BRINP1: variants seen among roughly 807,000 people sequenced by gnomAD.
BRINP1 encodes BMP/retinoic acid-inducible neural-specific protein 1.
Under a neutral mutation model 72.9 loss-of-function variants are expected in BRINP1, and 17 were observed. That is an observed-to-expected ratio of 0.23 (90% CI 0.16 to 0.35). The LOEUF (loss-of-function observed/expected upper bound fraction) is 0.35, where lower values mean the gene tolerates loss of function less well. Among genes scored for constraint, BRINP1 ranks in the 10% least tolerant of loss-of-function variants. The pLI is 1.00. For synonymous variants in BRINP1, 418 were observed against 378.5 expected, an observed-to-expected ratio of 1.10 and a Z score of -1.21; for missense variants, 850 against 1,001.6, an observed-to-expected ratio of 0.85 and a Z score of 2.04.
chr9:119,305,774 T>G (rs1364718034), intron 2 of BRINP1, among the ~76,000 whole-genome samples: 2 of 152,114 alleles, frequency 1.3e-5, no homozygotes, highest in Non-Finnish European at 2.9e-5. Context: ...GTTATTTGCC[T>G]TTCAGTCAGT....
chr9:119,254,398 G>C (rs1285226995), intron 2 of BRINP1, among the ~76,000 whole-genome samples: 3 of 152,032 alleles, frequency 2.0e-5, no homozygotes, highest in South Asian at 4.2e-4. Context: ...ATGAGGGAGG[G>C]ACCATAGGGC....
At chr9:119,268,269 T>TAGAC (rs1830572609) in intron 2 of BRINP1, among the ~76,000 whole-genome samples, 2 of 145,158 alleles carry the variant, frequency 1.4e-5, no homozygotes, top group Non-Finnish European at 3.0e-5. Flanking sequence ...GATAGATAGA[T>TAGAC]AGATAGATAG....
At chr9:119,283,497 G>A (rs964506781) in intron 2 of BRINP1, among the ~76,000 whole-genome samples, 2 of 152,182 alleles carry the variant, frequency 1.3e-5, no homozygotes, top group African/African-American at 2.4e-5. Context: ...GTGGTGGGAG[G>A]GGGAGGGTGA....
chr9:119,292,925 T>G (rs1830836823), intron 2 of BRINP1, among the ~76,000 whole-genome samples: 1 of 152,170 alleles, frequency 6.6e-6, no homozygotes, highest in Admixed American at 6.5e-5. Context: ...TAGCAAGAGT[T>G]TTCCCTGAGA....
At chr9:119,236,979 C>T (rs1830197907) in intron 5 of BRINP1, among the ~76,000 whole-genome samples, 2 of 152,090 alleles carry the variant, frequency 1.3e-5, no homozygotes, top group Admixed American at 1.3e-4. Context: ...ACTACCAAGC[C>T]CTCCATGCAT....
At chr9:119,321,809 T>C (rs1831191985) in intron 1 of BRINP1, among the ~76,000 whole-genome samples, 1 of 152,220 alleles carries the variant, frequency 6.6e-6, no homozygotes, top group African/African-American at 2.4e-5. Context: ...GTTGGAATAT[T>C]ATGATCTGGG....
At chr9:119,360,612 C>G (rs972364142) in intron 1 of BRINP1, among the ~76,000 whole-genome samples, 6 of 152,164 alleles carry the variant, frequency 3.9e-5, no homozygotes, top group Non-Finnish European at 7.4e-5. Context: ...GAATTCACCA[C>G]TTTTTCCCCA....
At chr9:119,361,128 T>C (rs1831624819) in intron 1 of BRINP1, among the ~76,000 whole-genome samples, 2 of 152,168 alleles carry the variant, frequency 1.3e-5, no homozygotes, top group African/African-American at 4.8e-5. Flanking sequence ...GTCCGGGTAA[T>C]TTATGACTCT....
At chr9:119,312,686 G>A (rs569932351) in intron 2 of BRINP1, among the ~76,000 whole-genome samples, 5 of 152,254 alleles carry the variant, frequency 3.3e-5, no homozygotes, top group South Asian at 2.1e-4. Flanking sequence ...TCAAAACAAC[G>A]TTACTTATAC....
Position 119,369,114 on chromosome 9 carries a change from G to A in BRINP1, c.-109C>T. The A allele has an allele frequency of 2.5e-6, 1 of 397,946 alleles. No individual in the cohort carries two copies. The highest frequency in any genetic ancestry group is 4.4e-6 in the Non-Finnish European group (1 of 225,696). The allele number at this position is 397,946 out of a possible 1,614,324, so 24.7% of individuals were successfully genotyped here. On this transcript the variant is annotated 5_prime_UTR_variant, in exon 1 of 8. The change creates a premature stop within an existing upstream ORF in the 5' untranslated region. Coordinates refer to ENST00000265922, the MANE Select transcript of BRINP1 (RefSeq NM_014618.3). Reference sequence around the variant, plus strand: ...CGGGAGGACGCTTTTTATTCGGCTCGGTGGGAACTTGGGAGAGCCCTGCGT... The same window carrying A: ...CGGGAGGACGCTTTTTATTCGGCTCAGTGGGAACTTGGGAGAGCCCTGCGT...
intron 7 of BRINP1, among the ~76,000 whole-genome samples, chr9:119,173,349 G>GA (rs1829440982): frequency 6.9e-6 from 1 of 145,592 alleles, no homozygotes; most frequent in Admixed American, 6.9e-5. Context: ...CAGACAAACA[G>GA]AGAGCCAAAT....
intron 2 of BRINP1, among the ~76,000 whole-genome samples, chr9:119,305,022 CAA>C (rs926142716): frequency 6.6e-6 from 1 of 152,216 alleles, no homozygotes; most frequent in Non-Finnish European, 1.5e-5. Context: ...AAACCCATTG[CAA>C]ACTCTGCTAA....
chr9:119,214,001 G>A lies in BRINP1; in HGVS notation c.840C>T (p.Ile280=). 1.9e-6 allele frequency: 3 copies of A among 1,614,182 alleles called. No homozygotes were observed. Among genetic ancestry groups the A allele is most frequent in the Non-Finnish European group, 2.5e-6 (3 of 1,180,032 alleles). ...AEEFPQCNCP[I]TDIQIMEYTL... ...TGTACTCCATGATCTGGATGTCCGT[G>A]ATGGGGCAGTTGCACTGCGGAAACT... Residue 280 remains isoleucine, a synonymous_variant, in exon 6 of 8, where the codon ATC becomes ATT. Coordinates refer to ENST00000265922, the MANE Select transcript of BRINP1 (RefSeq NM_014618.3).
intron 1 of BRINP1, among the ~76,000 whole-genome samples, chr9:119,342,212 C>T (rs1189234175): frequency 6.6e-6 from 1 of 151,940 alleles, no homozygotes; most frequent in African/African-American, 2.4e-5. Context: ...ATACAGTTAC[C>T]CTCTATGTAG....
rs1359396970 is a variant in BRINP1, at chr9:119,327,918, AAAG to A, written c.-50-14516_-50-14514del. 6.6e-5 allele frequency among the ~76,000 whole-genome samples: 10 copies of A among 152,278 alleles called. No individual in the cohort carries two copies. In the South Asian group the frequency reaches 8.3e-4, roughly 13 times the overall value. Reference sequence around the variant, plus strand: ...CTACAGAATCCTTGAGAGAAAAAAAAAAGAAGAAGAAAGGCCAGGGCTAGAGGT... The same window carrying A: ...CTACAGAATCCTTGAGAGAAAAAAAAAAGAAGAAAGGCCAGGGCTAGAGGT... On this transcript the variant is annotated intron_variant, in intron 1 of 7. Transcript: ENST00000265922.
chr9:119,167,846 G>C lies in BRINP1; in HGVS notation c.1524C>G (p.Asn508Lys). The part of the protein sequence containing the change: ...RLYVHTTFIS[N>K]EIRLDTFFDP... The stretch of plus-strand genomic sequence containing the variant: ...CAAAGAAGGTGTCGAGGCGGATCTC[G>C]TTGCTGATGAAGGTGGTGTGGACGT... The change falls in exon 8 of 8, where the codon AAC becomes AAG. Residue 508 changes from asparagine to lysine, a missense_variant. By Grantham distance (94) the Asn-to-Lys change is moderately conservative. Transcript: ENST00000265922. This position sits in a 1 kb window ranked among gnomAD's most constrained non-coding sequence, Gnocchi z 4.3. 1.2e-6 allele frequency: 2 copies of C among 1,614,090 alleles called. No individual in the cohort carries two copies. The highest frequency in any genetic ancestry group is 1.7e-6 in the Non-Finnish European group (2 of 1,179,960).
chr9:119,283,753 G>A (rs191259355), intron 2 of BRINP1, among the ~76,000 whole-genome samples: 9 of 152,186 alleles, frequency 5.9e-5, no homozygotes, highest in African/African-American at 2.2e-4. Flanking sequence ...GGCTGATCTC[G>A]AACTCCTGAC....
chr9:119,350,664 A>C (rs983104901), intron 1 of BRINP1, among the ~76,000 whole-genome samples: 2 of 152,150 alleles, frequency 1.3e-5, no homozygotes, highest in African/African-American at 4.8e-5. Context: ...GAACATGTGC[A>C]CACACACATC....
intron 3 of BRINP1, among the ~76,000 whole-genome samples, chr9:119,246,645 G>A (rs1009679645): frequency 1.3e-5 from 2 of 152,122 alleles, no homozygotes; most frequent in African/African-American, 4.8e-5. Context: ...GTGAACAGCC[G>A]GAGGCAGGAC....
Sources: allele counts gnomAD v4.1 joint callset (sites outside exome capture counted in the v4.1 genomes callset), GRCh38; gene constraint gnomAD v4.1.1; non-coding constraint Gnocchi (gnomAD v3.1); transcripts MANE v1.5; gene names NCBI Gene and HGNC (gene_info 2026-07-23, HGNC 2026-07-21).